The following RAD51B variants were observed in gnomAD, a reference collection of about 807,000 sequenced individuals.
The protein encoded by RAD51B is RAD51 paralog B, also known as DNA repair protein RAD51 homolog 2.
Under a neutral mutation model 42.2 loss-of-function variants are expected in RAD51B, and 38 were observed. The observed-to-expected ratio is 0.90, with a 90% CI of 0.70 to 1.18. The LOEUF is 1.18. Among genes scored for constraint, RAD51B ranks in the 50% most tolerant of loss-of-function variants. RAD51B has a pLI of 0.00. For missense variants in RAD51B, 373 were observed against 400.7 expected (o/e 0.93, Z 0.59); for synonymous variants, 154 against 145.2 (o/e 1.06, Z -0.43).
intron 8 of RAD51B, among the ~76,000 whole-genome samples, chr14:68,331,532 A>G (rs895148015): frequency 4.6e-5 from 7 of 151,172 alleles, no homozygotes; most frequent in Non-Finnish European, 4.4e-5. Context: ...GCAAGTCAGG[A>G]TGTTTTGTGT....
rs183655394 is a variant in RAD51B, at chr14:68,158,164, A to G, written c.757-133720A>G. Among the ~76,000 whole-genome samples, 578 of 152,250 alleles carry G rather than the reference A, an allele frequency of 3.8e-3. 2 individuals carry two copies. Among genetic ancestry groups the G allele is most frequent in the Admixed American group, 6.5e-3 (100 of 15,290 alleles). On this transcript the variant is annotated intron_variant, in intron 7 of 10. Coordinates refer to ENST00000471583, the MANE Select transcript of RAD51B (RefSeq NM_133510.4). ...CAAGCCACCATCCCAACCTGCCTTG[A>G]CTAAACTCAATGAACAGGAACCATT... is the stretch of plus-strand genomic sequence containing the variant.
intron 7 of RAD51B, among the ~76,000 whole-genome samples, chr14:67,901,030 A>T (rs1338111928): frequency 6.6e-6 from 1 of 152,186 alleles, no homozygotes; most frequent in Non-Finnish European, 1.5e-5. Context: ...TATTAAGCGA[A>T]AGGAAAGCTC....
chr14:68,495,547 A>G (rs1472682326), intron 10 of RAD51B, among the ~76,000 whole-genome samples: 1 of 152,158 alleles, frequency 6.6e-6, no homozygotes, highest in East Asian at 1.9e-4. Context: ...AAGCAGTGTT[A>G]ACTTGAAGGG....
chr14:68,601,632 G>A (rs1891221781), intron 10 of RAD51B, among the ~76,000 whole-genome samples: 1 of 152,112 alleles, frequency 6.6e-6, no homozygotes, highest in South Asian at 2.1e-4. Flanking sequence ...GATCTGCACA[G>A]GGCTCCCATC....
intron 7 of RAD51B, among the ~76,000 whole-genome samples, chr14:68,109,375 T>C (rs1428894703): frequency 6.6e-6 from 1 of 152,056 alleles, no homozygotes; most frequent in Non-Finnish European, 1.5e-5. Flanking sequence ...GTAAACATGT[T>C]ATCGAAGTAG....
intron 7 of RAD51B, among the ~76,000 whole-genome samples, chr14:68,169,200 G>A (rs190420502): frequency 2.4e-3 from 371 of 152,220 alleles, no homozygotes; most frequent in Non-Finnish European, 3.8e-3. Flanking sequence ...ACAGATGGAT[G>A]ATTCATTTGC....
intron 7 of RAD51B, among the ~76,000 whole-genome samples, chr14:68,106,718 G>T (rs2077382436): frequency 6.6e-6 from 1 of 151,756 alleles, no homozygotes; most frequent in Non-Finnish European, 1.5e-5. Context: ...ATCTCATAGT[G>T]ATGATGATGA....
chr14:68,616,132 C>A (rs1307845846), downstream of RAD51B, among the ~76,000 whole-genome samples: 1 of 152,150 alleles, frequency 6.6e-6, no homozygotes, highest in Non-Finnish European at 1.5e-5. Flanking sequence ...ATGAACTCTA[C>A]AGTACTTTAT....
chr14:68,203,451 G>T (rs1051879828), intron 7 of RAD51B, among the ~76,000 whole-genome samples: 1 of 152,168 alleles, frequency 6.6e-6, no homozygotes, highest in African/African-American at 2.4e-5. Flanking sequence ...CTGCCATCCA[G>T]ACTTTGTCGT....
intron 5 of RAD51B, among the ~76,000 whole-genome samples, chr14:67,868,603 C>CCAGA: frequency 6.6e-6 from 1 of 152,252 alleles, no homozygotes; most frequent in South Asian, 2.1e-4. Flanking sequence ...GGAGGCCTGC[C>CCAGA]TGCCTCTGTA....
intron 9 of RAD51B, among the ~76,000 whole-genome samples, chr14:68,441,584 G>C (rs1335691101): frequency 6.8e-6 from 1 of 147,864 alleles, no homozygotes; most frequent in Non-Finnish European, 1.5e-5. Context: ...ATGGATTCTA[G>C]TATATAACAT....
chr14:68,015,544 G>A (rs777511415), intron 7 of RAD51B, among the ~76,000 whole-genome samples: 1 of 152,152 alleles, frequency 6.6e-6, no homozygotes, highest in Non-Finnish European at 1.5e-5. Context: ...TTACATGGCC[G>A]CAGAGAAGAG....
At chr14:68,181,444 G>C (rs1029583321) in intron 7 of RAD51B, among the ~76,000 whole-genome samples, 9 of 152,178 alleles carry the variant, frequency 5.9e-5, no homozygotes, top group Admixed American at 5.9e-4. Flanking sequence ...TCATCCCAAA[G>C]GGAAGCTTTG....
chr14:68,393,310 C>T (rs569601973), intron 8 of RAD51B, among the ~76,000 whole-genome samples: 31 of 152,336 alleles, frequency 2.0e-4, no homozygotes, highest in African/African-American at 6.7e-4. Flanking sequence ...TCTCCAGTTT[C>T]TTCAGTGCAC....
At chr14:68,282,235 G>C (rs1400838130) in intron 7 of RAD51B, among the ~76,000 whole-genome samples, 2 of 151,988 alleles carry the variant, frequency 1.3e-5, no homozygotes, top group Non-Finnish European at 2.9e-5. Flanking sequence ...CACCTGCCTC[G>C]GCCTCCCAAA....
At chr14:68,488,199 C>CTT (rs201866707) in intron 10 of RAD51B, among the ~76,000 whole-genome samples, 2,378 of 108,242 alleles carry the variant, frequency 0.022, 133 homozygotes, top group African/African-American at 0.081. Flanking sequence ...TAGGGTTTGT[C>CTT]TTTTTTTTTT....
chr14:68,584,924 G>A (rs542245754), intron 10 of RAD51B, among the ~76,000 whole-genome samples: 10 of 152,230 alleles, frequency 6.6e-5, no homozygotes, highest in African/African-American at 2.2e-4. Flanking sequence ...AACTTGCCAG[G>A]CAGAGCCCTC....
chr14:68,643,703 C>T (rs562539318), intron 10 of RAD51B, among the ~76,000 whole-genome samples: 14 of 152,166 alleles, frequency 9.2e-5, no homozygotes, highest in Non-Finnish European at 1.9e-4. Flanking sequence ...AATATGAATG[C>T]TAAACATGTG....
In RAD51B at chr14:68,307,028, C is replaced by G. The variant is rs544295878; in HGVS notation, c.853+15048C>G. Among the ~76,000 whole-genome samples the G allele has an allele frequency of 4.8e-5, 7 of 145,230 alleles. No homozygotes were observed. The East Asian group carries it at 1.2e-3, about 25-fold the overall frequency. On this transcript the variant is annotated intron_variant, in intron 8 of 10. Transcript: ENST00000471583. ...ATTGATTTTTTTTTTTTTTCCCTATCTGGAATTTGACAGGGTCAGTTCATG... is the reference window on the plus strand; with the variant it reads ...ATTGATTTTTTTTTTTTTTCCCTATGTGGAATTTGACAGGGTCAGTTCATG...
Sources: gnomAD v4.1 joint callset for allele counts (sites outside exome capture counted in the v4.1 genomes callset) on GRCh38, gnomAD v4.1.1 for gene constraint, MANE v1.5 for transcripts, NCBI Gene and HGNC (gene_info 2026-07-23, HGNC 2026-07-21) for gene names.